The following OTUD7A variants were observed in gnomAD, a reference collection of about 807,000 sequenced individuals.
OTUD7A encodes the protein OTU domain-containing protein 7A.
OTUD7A carries 12 observed loss-of-function variants against 65.7 expected under a neutral mutation model. The ratio of observed to expected loss-of-function variants is 0.18; its 90% CI spans 0.12 to 0.30. The LOEUF (loss-of-function observed/expected upper bound fraction) is 0.30, where lower values mean the gene tolerates loss of function less well. Ranked by LOEUF, OTUD7A falls within the 10% of genes least tolerant of loss-of-function variation. The pLI, the probability that OTUD7A is intolerant of heterozygous loss-of-function variation, is 1.00. For synonymous variants in OTUD7A, 641 were observed against 586.3 expected, an observed-to-expected ratio of 1.09 and a Z score of -1.35; for missense variants, 1,148 against 1,304.8, an observed-to-expected ratio of 0.88 and a Z score of 1.85.
At chr15:31,687,209 G>A (rs892404896) in intron 1 of OTUD7A, among the ~76,000 whole-genome samples, 1 of 152,118 alleles carries the variant, frequency 6.6e-6, no homozygotes, top group African/African-American at 2.4e-5. Context: ...CCTAGCGAGG[G>A]GAGGCAGTTA....
chr15:31,478,186 C>G lies in OTUD7A; in HGVS notation c.*5108G>C, dbSNP rs1281726987. ...CCTCTGCCATGGGAGGCTGTTTCTT[C>G]GTTTAAAGGAGCACTCCAGTGTCTG... On this transcript the variant is annotated 3_prime_UTR_variant, in exon 13 of 13. Transcript: ENST00000307050. 6.6e-6 allele frequency: 1 copy of G among 152,164 alleles called. No homozygotes were observed. The highest frequency in any genetic ancestry group is 1.5e-5 in the Non-Finnish European group (1 of 68,022). 9.4% of individuals were successfully genotyped at this position (152,164 alleles called of 1,614,324 possible). A position where few individuals can be genotyped will look rare whatever the true frequency, so the allele number is the denominator to read the frequency against.
rs191737046 is a variant in OTUD7A at position 31,670,155 on chromosome 15, C to T, written c.-99-13078G>A. Among the ~76,000 whole-genome samples, 130 of 149,426 alleles carry T rather than the reference C, an allele frequency of 8.7e-4. No individual in the cohort carries two copies. The East Asian group carries it at 0.024, about 28-fold the overall frequency. On this transcript the variant is annotated intron_variant, in intron 1 of 12. Transcript: ENST00000307050. ...CCATCTGAGTCAGAGCCATGAAGAT[C>T]CCATATTTTCTTTATCCAGTCTATC...
At chr15:31,827,575 T>C (rs1567043424) in intron 1 of OTUD7A, among the ~76,000 whole-genome samples, 3 of 152,360 alleles carry the variant, frequency 2.0e-5, no homozygotes, top group Admixed American at 6.5e-5. Flanking sequence ...CCTGTATATT[T>C]ACACAGTTTT....
At chr15:31,586,005 G>A (rs1312337317) in intron 3 of OTUD7A, among the ~76,000 whole-genome samples, 1 of 152,196 alleles carries the variant, frequency 6.6e-6, no homozygotes, top group South Asian at 2.1e-4. Context: ...CATTAAAATA[G>A]AAGAAAGGCA....
intron 2 of OTUD7A, among the ~76,000 whole-genome samples, chr15:31,656,255 T>G (rs529827450): frequency 2.0e-5 from 3 of 152,230 alleles, no homozygotes; most frequent in African/African-American, 7.2e-5. Context: ...CACTAGTGAA[T>G]GGTGCTGGGG....
intron 1 of OTUD7A, among the ~76,000 whole-genome samples, chr15:31,731,170 CTAAAGGGT>C (rs1351993978): frequency 1.3e-5 from 2 of 152,160 alleles, no homozygotes; most frequent in Non-Finnish European, 2.9e-5. Flanking sequence ...TTCTCCTTCT[CTAAAGGGT>C]GATCTCTTTT....
intron 8 of OTUD7A, among the ~76,000 whole-genome samples, chr15:31,525,294 C>T: frequency 6.6e-6 from 1 of 152,242 alleles, no homozygotes; most frequent in Non-Finnish European, 1.5e-5. Context: ...CTCAAATGTC[C>T]TGCCAAGATA....
intron 3 of OTUD7A, among the ~76,000 whole-genome samples, chr15:31,585,062 T>C (rs1889489232): frequency 6.6e-6 from 1 of 152,154 alleles, no homozygotes; most frequent in African/African-American, 2.4e-5. Context: ...CCTTTGTTGG[T>C]GAGATGCATG....
chr15:31,581,115 G>C (rs1028854637), intron 3 of OTUD7A, among the ~76,000 whole-genome samples: 1 of 152,228 alleles, frequency 6.6e-6, no homozygotes, highest in East Asian at 1.9e-4. Flanking sequence ...CAGGCCCCAT[G>C]CAAGTTCAAA....
intron 1 of OTUD7A, among the ~76,000 whole-genome samples, chr15:31,660,945 G>A (rs1892145158): frequency 6.6e-6 from 1 of 152,362 alleles, no homozygotes; most frequent in East Asian, 1.9e-4. Flanking sequence ...AGGCACATGT[G>A]TGGGCTTTGA....
At chr15:31,529,967 G>T (rs902904332) in intron 6 of OTUD7A, among the ~76,000 whole-genome samples, 1 of 152,176 alleles carries the variant, frequency 6.6e-6, no homozygotes, top group Non-Finnish European at 1.5e-5. Context: ...ATTCAGCCTT[G>T]TGCATATAAC....
chr15:31,633,332 G>T (rs1891237567), intron 3 of OTUD7A, among the ~76,000 whole-genome samples: 1 of 152,110 alleles, frequency 6.6e-6, no homozygotes, highest in African/African-American at 2.4e-5. Context: ...GTTCATTAGA[G>T]ATCATTCCTA....
chr15:31,503,661 G>C (rs751079287), intron 9 of OTUD7A, 30 bp downstream of exon 9: 17 of 1,613,674 alleles, frequency 1.1e-5, no homozygotes, highest in Admixed American at 1.7e-5. Context: ...TCTGTGTCAT[G>C]AATACAACAC....
intron 1 of OTUD7A, chr15:31,766,625 T>C: frequency 6.2e-7 from 1 of 1,606,304 alleles, no homozygotes; most frequent in Non-Finnish European, 8.5e-7. Context: ...CTATTCCTTC[T>C]TGTACTACTT....
In OTUD7A at chr15:31,712,620, CGG is replaced by C. The variant is rs551891586; in HGVS notation, c.-99-55545_-99-55544del. Among the ~76,000 whole-genome samples the C allele has an allele frequency of 3.0e-3, 281 of 95,246 alleles. 1 individual carries two copies. The highest frequency in any genetic ancestry group is 0.011 in the African/African-American group (264 of 23,910). The allele number at this position is 95,246 out of a possible 152,430, so 62.5% of individuals were successfully genotyped here. ...CCAGCTCCCACAGGCACGGCCCATC[CGG>C]GGGCCATAATGGTCCTCACGCACTC... On this transcript the variant is annotated intron_variant, in intron 1 of 12. Coordinates refer to ENST00000307050, the MANE Select transcript of OTUD7A (RefSeq NM_001382637.1).
At chr15:31,746,251 C>T (rs1257068683) in intron 1 of OTUD7A, among the ~76,000 whole-genome samples, 1 of 152,132 alleles carries the variant, frequency 6.6e-6, no homozygotes, top group Admixed American at 6.5e-5. Flanking sequence ...ATGATTAAAA[C>T]AGCTTTATTA....
chr15:31,684,024 G>T (rs913223473), intron 1 of OTUD7A, among the ~76,000 whole-genome samples: 24 of 152,314 alleles, frequency 1.6e-4, no homozygotes, highest in Non-Finnish European at 3.2e-4. Flanking sequence ...AAGCATTGCA[G>T]CCCTGGATGA....
intron 1 of OTUD7A, among the ~76,000 whole-genome samples, chr15:31,756,099 G>A (rs1028569988): frequency 6.6e-6 from 1 of 152,230 alleles, no homozygotes; most frequent in African/African-American, 2.4e-5. Flanking sequence ...CACTGGCCAT[G>A]GAGTTAGCTG....
chr15:31,729,789 G>T (rs1300599104), intron 1 of OTUD7A, among the ~76,000 whole-genome samples: 1 of 152,102 alleles, frequency 6.6e-6, no homozygotes, highest in Non-Finnish European at 1.5e-5. Flanking sequence ...GTAGCCTCCT[G>T]CTCGTTGTCA....
Sources: allele counts gnomAD v4.1 joint callset (sites outside exome capture counted in the v4.1 genomes callset), GRCh38; gene constraint gnomAD v4.1.1; transcripts MANE v1.5; gene names NCBI Gene and HGNC (gene_info 2026-07-23, HGNC 2026-07-21).